OCA2: variants seen among roughly 807,000 people sequenced by gnomAD.
The protein encoded by OCA2 is OCA2 melanosomal transmembrane protein.
A neutral mutation model predicts 100.2 loss-of-function variants in OCA2; 77 were observed. The ratio of observed to expected loss-of-function variants is 0.77; its 90% confidence interval spans 0.64 to 0.93. OCA2 has a LOEUF of 0.93. Ranked by LOEUF, OCA2 falls within the 40% of genes least tolerant of loss-of-function variation. The pLI is 0.00. For synonymous variants in OCA2, 432 were observed against 439.2 expected, an observed-to-expected ratio of 0.98 and a Z score of 0.21; for missense variants, 1,062 against 1,089.1, an observed-to-expected ratio of 0.98 and a Z score of 0.35.
chr15:27,967,821 C>T (rs542296817), intron 14 of OCA2, among the ~76,000 whole-genome samples: 2 of 152,380 alleles, frequency 1.3e-5, no homozygotes, highest in African/African-American at 4.8e-5. Flanking sequence ...AAGTCAGCGG[C>T]GTCATTGGTT....
chr15:27,847,080 G>T (rs978227607), intron 22 of OCA2, among the ~76,000 whole-genome samples: 1 of 152,110 alleles, frequency 6.6e-6, no homozygotes, highest in Non-Finnish European at 1.5e-5. Context: ...CCCTCCCTGA[G>T]GGCCCTCCTT....
At chr15:27,977,007 A>G (rs1049854358) in intron 14 of OCA2, among the ~76,000 whole-genome samples, 4 of 152,058 alleles carry the variant, frequency 2.6e-5, no homozygotes, top group African/African-American at 7.2e-5. Flanking sequence ...TGTGTTTCCA[A>G]AAAATTGTTT....
At chr15:27,963,554 A>C (rs1235406448) in intron 15 of OCA2, among the ~76,000 whole-genome samples, 1 of 152,180 alleles carries the variant, frequency 6.6e-6, no homozygotes, top group Non-Finnish European at 1.5e-5. Flanking sequence ...GATGCATTAT[A>C]AGATAATTTG....
chr15:27,902,573 C>G (rs1312902580), intron 19 of OCA2, among the ~76,000 whole-genome samples: 1 of 152,194 alleles, frequency 6.6e-6, no homozygotes, highest in Non-Finnish European at 1.5e-5. Context: ...TAAAACGTCT[C>G]TGAGCACGCA....
chr15:28,045,040 T>C (rs1351943969), intron 2 of OCA2, among the ~76,000 whole-genome samples: 1 of 152,208 alleles, frequency 6.6e-6, no homozygotes, highest in Non-Finnish European at 1.5e-5. Flanking sequence ...ACATATAATG[T>C]GATTAGAAAT....
intron 16 of OCA2, among the ~76,000 whole-genome samples, chr15:27,956,337 G>A (rs1452058292): frequency 1.3e-5 from 2 of 152,152 alleles, no homozygotes; most frequent in African/African-American, 2.4e-5. Context: ...GAACAAGAGC[G>A]AAACTCCGTC....
intron 9 of OCA2, among the ~76,000 whole-genome samples, chr15:27,995,716 A>C (rs900919885): frequency 6.6e-6 from 1 of 152,176 alleles, no homozygotes; most frequent in African/African-American, 2.4e-5. Context: ...GATGTAAATA[A>C]TATCAAGTAT....
At position 28,021,876 on chromosome 15, in the gene OCA2, A is replaced by AG. The variant is rs574301073; in HGVS notation, c.646+624dup. On this transcript the variant is annotated intron_variant, in intron 6 of 23. Transcript: ENST00000354638. The stretch of plus-strand genomic sequence containing the variant: ...GAGCAAGGTCTGGCAGACAGCTGGC[A>AG]GGGCGCCCGGTAATTCTGAGTGTCT... Among the ~76,000 whole-genome samples the AG allele has an allele frequency of 4.3e-4, 65 of 152,284 alleles. 1 individual carries two copies. Among genetic ancestry groups the AG allele is most frequent in the Middle Eastern group, 3.4e-3 (1 of 294 alleles).
chr15:27,889,858 T>C (rs1369890231), intron 19 of OCA2, among the ~76,000 whole-genome samples: 1 of 152,182 alleles, frequency 6.6e-6, no homozygotes, highest in African/African-American at 2.4e-5. Flanking sequence ...GAGCCAACCC[T>C]GACTCATCAC....
chr15:28,013,246 T>A (rs1011621162), intron 9 of OCA2, among the ~76,000 whole-genome samples: 2 of 152,114 alleles, frequency 1.3e-5, no homozygotes, highest in African/African-American at 4.8e-5. Flanking sequence ...ATTAATCCCA[T>A]GAGGAACCCA....
rs936692532 is a variant in OCA2, at chr15:27,991,611, G to T, written c.1045-964C>A. ...AACGGGTCCCAGGGATCCTTATGGGGTGATGAAATGTTCTAGAACTTGTGA... is the reference window on the plus strand; with the variant it reads ...AACGGGTCCCAGGGATCCTTATGGGTTGATGAAATGTTCTAGAACTTGTGA... On this transcript the variant is annotated intron_variant, in intron 9 of 23. Transcript: ENST00000354638. 1.3e-5 allele frequency among the ~76,000 whole-genome samples: 2 copies of T among 152,166 alleles called. 1 individual carries two copies. Among genetic ancestry groups the T allele is most frequent in the South Asian group, 4.1e-4 (2 of 4,826 alleles).
At chr15:27,807,342 T>C (rs982317282) in intron 23 of OCA2, among the ~76,000 whole-genome samples, 1 of 152,136 alleles carries the variant, frequency 6.6e-6, no homozygotes, top group African/African-American at 2.4e-5. Flanking sequence ...TGGGGGAGTC[T>C]TTGCTGACCA....
At chr15:27,905,774 C>T (rs1456310369) in intron 19 of OCA2, among the ~76,000 whole-genome samples, 1 of 152,230 alleles carries the variant, frequency 6.6e-6, no homozygotes, top group Non-Finnish European at 1.5e-5. Flanking sequence ...AAAATGAAGT[C>T]ACACCTACAG....
chr15:27,806,717 C>G (rs2033867656), intron 23 of OCA2, among the ~76,000 whole-genome samples: 1 of 152,230 alleles, frequency 6.6e-6, no homozygotes, highest in Admixed American at 6.5e-5. Context: ...AAAGGCTGCC[C>G]TGTGGGAAGA....
intron 23 of OCA2, among the ~76,000 whole-genome samples, chr15:27,806,156 G>A (rs1377721955): frequency 2.0e-5 from 3 of 152,170 alleles, no homozygotes. Context: ...CTGATGCTCC[G>A]CCCTCCGCGG....
intron 4 of OCA2, among the ~76,000 whole-genome samples, chr15:28,026,962 C>T (rs562751029): frequency 8.5e-5 from 13 of 152,350 alleles, no homozygotes; most frequent in African/African-American, 3.1e-4. Flanking sequence ...TGACAGGGTA[C>T]CGTCGCGTGG....
the OCA2 span, among the ~76,000 whole-genome samples, chr15:27,728,825 G>T: frequency 6.6e-6 from 1 of 152,200 alleles, no homozygotes; most frequent in Non-Finnish European, 1.5e-5. Context: ...TCCAGAAAGT[G>T]TAGAGCCATA....
rs376974560 is a variant in OCA2, at chr15:27,901,211, G to A, written c.2079+24916C>T. Among the ~76,000 whole-genome samples, 27 of 152,340 alleles carry A rather than the reference G, an allele frequency of 1.8e-4. No individual in the cohort carries two copies. In the South Asian group the frequency reaches 2.3e-3, roughly 13 times the overall value. ...TGATTTTCTCTTGGACTGGACAAACGATGTTTTTAAAATCCTAACAGGCAC... is the reference window on the plus strand; with the variant it reads ...TGATTTTCTCTTGGACTGGACAAACAATGTTTTTAAAATCCTAACAGGCAC... On this transcript the variant is annotated intron_variant, in intron 19 of 23. Transcript: ENST00000354638.
chr15:27,785,203 C>T (rs2032750573), intron 23 of OCA2, among the ~76,000 whole-genome samples: 1 of 152,044 alleles, frequency 6.6e-6, no homozygotes, highest in South Asian at 2.1e-4. Context: ...TATGTCAACA[C>T]AAAATTCTAT....
Sources: allele counts gnomAD v4.1 joint callset (sites outside exome capture counted in the v4.1 genomes callset), GRCh38; gene constraint gnomAD v4.1.1; transcripts MANE v1.5; gene names NCBI Gene and HGNC (gene_info 2026-07-23, HGNC 2026-07-21).